The following PARP8 variants were observed in gnomAD, a reference collection of about 807,000 sequenced individuals.
PARP8 encodes the protein protein mono-ADP-ribosyltransferase PARP8.
PARP8 carries 51 observed loss-of-function variants against 124.1 expected under a neutral mutation model. The ratio of observed to expected loss-of-function variants is 0.41; its 90% confidence interval spans 0.33 to 0.52. The LOEUF (loss-of-function observed/expected upper bound fraction) is 0.52, where lower values mean the gene tolerates loss of function less well. Ranked by LOEUF, PARP8 falls within the 20% of genes least tolerant of loss-of-function variation. PARP8 has a pLI of 0.21. For synonymous variants in PARP8, 391 were observed against 361.5 expected (o/e 1.08, Z -0.93); for missense variants, 860 against 1,018.9 (o/e 0.84, Z 2.12).
At chr5:50,735,481 A>G (rs1207783365) in intron 2 of PARP8, among the ~76,000 whole-genome samples, 1 of 152,156 alleles carries the variant, frequency 6.6e-6, no homozygotes, top group Non-Finnish European at 1.5e-5. Context: ...ATATGCTGAA[A>G]ATCTGTTTCT....
intron 25 of PARP8, among the ~76,000 whole-genome samples, chr5:50,840,407 T>G (rs945676178): frequency 1.3e-5 from 2 of 151,838 alleles, no homozygotes; most frequent in African/African-American, 4.8e-5. Flanking sequence ...TTAGTTGGGT[T>G]TAGGCACAAA....
chr5:50,667,412 G>A (rs1201337840), intron 1 of PARP8: 8 of 703,130 alleles, frequency 1.1e-5, no homozygotes, highest in South Asian at 1.0e-4. Context: ...AGCTTTGAGG[G>A]CAGAGCCCGC....
intron 24 of PARP8, 111 bp downstream of exon 24, chr5:50,834,159 CT>C (rs1747305984): frequency 1.1e-6 from 1 of 872,430 alleles, no homozygotes; most frequent in Admixed American, 2.4e-5. Flanking sequence ...AGCATTATTC[CT>C]TATGATCATC....
chr5:50,741,598 TCAAA>T (rs1409531174), intron 2 of PARP8, among the ~76,000 whole-genome samples: 2 of 152,102 alleles, frequency 1.3e-5, no homozygotes, highest in Non-Finnish European at 2.9e-5. Flanking sequence ...TCCCTAAAAA[TCAAA>T]CAAACAAAAA....
At chr5:50,697,448 A>C (rs968975761) in intron 2 of PARP8, among the ~76,000 whole-genome samples, 1 of 152,240 alleles carries the variant, frequency 6.6e-6, no homozygotes, top group African/African-American at 2.4e-5. Flanking sequence ...CAGTATGTTA[A>C]TAAATTAAAA....
chr5:50,794,629 GA>G (rs958870630), intron 11 of PARP8, among the ~76,000 whole-genome samples: 35 of 151,944 alleles, frequency 2.3e-4, no homozygotes, highest in East Asian at 7.7e-4. Flanking sequence ...AGATAGGAGG[GA>G]AAAAAAATCT....
intron 23 of PARP8, chr5:50,833,374 T>G (rs1207890144): frequency 2.2e-6 from 1 of 448,190 alleles, no homozygotes; most frequent in East Asian, 7.0e-5. Flanking sequence ...GAAAGAACAT[T>G]CTGGGCAGAG....
chr5:50,747,154 G>GTTTTTTTTTTTTTTTTTTTTTTT (rs370243477), intron 2 of PARP8, among the ~76,000 whole-genome samples: 1 of 121,918 alleles, frequency 8.2e-6, no homozygotes, highest in Non-Finnish European at 1.6e-5. Context: ...TTTTTTGTTT[G>GTTTTTTTTTTTTTTTTTTTTTTT]TTTGTTTTGT....
At chr5:50,767,794 G>T (rs1330983577) in intron 7 of PARP8, among the ~76,000 whole-genome samples, 2 of 152,242 alleles carry the variant, frequency 1.3e-5, no homozygotes, top group Non-Finnish European at 2.9e-5. Context: ...CCCACGCTGG[G>T]CAAAAACCAC....
intron 2 of PARP8, among the ~76,000 whole-genome samples, chr5:50,693,685 A>T (rs1173088664): frequency 6.6e-6 from 1 of 151,592 alleles, no homozygotes; most frequent in Non-Finnish European, 1.5e-5. Context: ...TGTAAATTAA[A>T]TTATGTAAAT....
rs1344262335 is a variant in PARP8, at chr5:50,763,262, G to T, written c.518+20G>T. Reference sequence around the variant, plus strand: ...TCTCAGGTAAATAAGTATCACTGGTGAATAAAATTAAAGTTTTATGGTAAG... The same window carrying T: ...TCTCAGGTAAATAAGTATCACTGGTTAATAAAATTAAAGTTTTATGGTAAG... On this transcript the variant is annotated intron_variant, in intron 7 of 25. Transcript: ENST00000281631. 10 of 1,539,968 alleles carry T rather than the reference G, an allele frequency of 6.5e-6. No homozygotes were observed. Among genetic ancestry groups the T allele is most frequent in the African/African-American group, 4.1e-5 (3 of 73,206 alleles).
chr5:50,793,055 C>A (rs1385734056), intron 10 of PARP8, among the ~76,000 whole-genome samples: 2 of 152,106 alleles, frequency 1.3e-5, no homozygotes, highest in Non-Finnish European at 2.9e-5. Context: ...TGTATCTATG[C>A]TAACTTGGGC....
chr5:50,689,190 G>A (rs1266404563), intron 2 of PARP8, among the ~76,000 whole-genome samples: 1 of 151,978 alleles, frequency 6.6e-6, no homozygotes, highest in Non-Finnish European at 1.5e-5. Context: ...CTTTGAAACT[G>A]TAAACTGTGT....
chr5:50,745,175 A>G (rs760273222), intron 2 of PARP8: 102 of 166,920 alleles, frequency 6.1e-4, no homozygotes, highest in Middle Eastern at 2.7e-3. Context: ...TTGAAAAATT[A>G]GGTACGTTCA....
intron 2 of PARP8, among the ~76,000 whole-genome samples, chr5:50,714,014 C>T (rs963456478): frequency 2.6e-5 from 4 of 152,086 alleles, no homozygotes; most frequent in African/African-American, 9.6e-5. Context: ...TTCTGACCTA[C>T]CAGATCTGTA....
chr5:50,828,892 CAAAAAAAGAA>C (rs1746639677), intron 21 of PARP8, among the ~76,000 whole-genome samples: 2 of 149,310 alleles, frequency 1.3e-5, no homozygotes, highest in Admixed American at 6.7e-5. Context: ...GTCTCAACAA[CAAAAAAAGAA>C]AAAAAAAGAA....
At chr5:50,747,154 G>GTTTTTTTTTTTTTTTTTTTTTTTTTT (rs370243477) in intron 2 of PARP8, among the ~76,000 whole-genome samples, 3 of 121,918 alleles carry the variant, frequency 2.5e-5, no homozygotes, top group Admixed American at 8.8e-5. Context: ...TTTTTTGTTT[G>GTTTTTTTTTTTTTTTTTTTTTTTTTT]TTTGTTTTGT....
rs188585282 is a variant in PARP8, at chr5:50,735,681, C to T, written c.147-14470C>T. 2.6e-5 allele frequency among the ~76,000 whole-genome samples: 4 copies of T among 152,222 alleles called. No individual in the cohort carries two copies. In the East Asian group the frequency reaches 5.8e-4, roughly 22 times the overall value. ...TTTTGAACATCTCTTAAGATGCAAC[C>T]TGCACATATATTGAGCATCTGGGAC... On this transcript the variant is annotated intron_variant, in intron 2 of 25. Transcript: ENST00000281631.
At chr5:50,794,761 A>T in intron 11 of PARP8, 92 bp from the exon 12 acceptor site, 2 of 1,146,104 alleles carry the variant, frequency 1.7e-6, no homozygotes, top group South Asian at 3.0e-5. Flanking sequence ...TAGAATATTT[A>T]TTAGCACAGT....
Sources: allele counts gnomAD v4.1 joint callset (sites outside exome capture counted in the v4.1 genomes callset), GRCh38; gene constraint gnomAD v4.1.1; transcripts MANE v1.5; gene names NCBI Gene and HGNC (gene_info 2026-07-23, HGNC 2026-07-21).